The following TSPAN18 variants were observed in gnomAD, a reference collection of about 807,000 sequenced individuals.
TSPAN18 encodes tetraspanin 18.
In TSPAN18, 14 loss-of-function variants were observed where a neutral mutation model predicts 27.3. The ratio of observed to expected loss-of-function variants is 0.51; its 90% CI spans 0.34 to 0.80. TSPAN18 has a LOEUF of 0.80. TSPAN18 is among the 30% of genes least tolerant of loss of function. The pLI, the probability that TSPAN18 is intolerant of heterozygous loss-of-function variation, is 0.01. For missense variants in TSPAN18, 268 were observed against 323.9 expected (o/e 0.83, Z 1.32); for synonymous variants, 143 against 136.5 (o/e 1.05, Z -0.33).
At chr11:44,919,391 A>AATC in intron 7 of TSPAN18, 79 bp downstream of exon 7, 1 of 1,236,826 alleles carries the variant, frequency 8.1e-7, no homozygotes, top group Non-Finnish European at 1.2e-6. Flanking sequence ...AGGCATCAGT[A>AATC]ATCAATCCAG....
intron 3 of TSPAN18, among the ~76,000 whole-genome samples, chr11:44,896,467 AC>A (rs1859054741): frequency 6.6e-6 from 1 of 152,090 alleles, no homozygotes; most frequent in Middle Eastern, 3.4e-3. Context: ...CCAGCACTGT[AC>A]CCCAAGTGCA....
At chr11:44,915,066 C>T (rs561192529) in intron 5 of TSPAN18, among the ~76,000 whole-genome samples, 1 of 152,342 alleles carries the variant, frequency 6.6e-6, no homozygotes, top group Admixed American at 6.5e-5. Flanking sequence ...TGATCTGCTT[C>T]GTCCATTATT....
chr11:44,728,132 CG>C (rs548212498), intron 1 of TSPAN18, among the ~76,000 whole-genome samples: 1,755 of 152,306 alleles, frequency 0.012, 11 homozygotes, highest in Non-Finnish European at 0.02. Context: ...GGTCCCGCCC[CG>C]AGGAGCCCGC....
At chr11:44,908,350 T>A (rs1859533921) in intron 4 of TSPAN18, among the ~76,000 whole-genome samples, 1 of 152,132 alleles carries the variant, frequency 6.6e-6, no homozygotes, top group African/African-American at 2.4e-5. Context: ...ACAAAGGGAT[T>A]TCAAATACTT....
In TSPAN18 at chr11:44,931,510, G is replaced by C. The variant is rs1860561456; in HGVS notation, c.*2332G>C. The C allele has an allele frequency of 6.5e-6, 1 of 152,772 alleles. No individual in the cohort carries two copies. The highest frequency in any genetic ancestry group is 1.5e-5 in the Non-Finnish European group (1 of 68,496). 9.5% of individuals were successfully genotyped at this position (152,772 alleles called of 1,614,324 possible). A position where few individuals can be genotyped will look rare whatever the true frequency, so the allele number is the denominator to read the frequency against. On this transcript the variant is annotated 3_prime_UTR_variant, in exon 10 of 10. Transcript: ENST00000520358. ...AAGGTGGGTTCAAGGGCAGACACAA[G>C]ACTGCCCCTCAGCAGCTTTCTACAA...
In TSPAN18 at chr11:44,932,136, T is replaced by G. The variant is rs1309603257; in HGVS notation, c.*2958T>G. On this transcript the variant is annotated 3_prime_UTR_variant, in exon 10 of 10. Transcript: ENST00000520358. ...CCATGCTTAAGGGGCCCGGACAGGA[T>G]TTCCCAAACCAGCCGAGGCCCCAGC... The G allele has an allele frequency of 2.0e-5, 3 of 152,100 alleles. No individual in the cohort carries two copies. The highest frequency in any genetic ancestry group is 7.2e-5 in the African/African-American group (3 of 41,396). 9.4% of individuals were successfully genotyped at this position (152,100 alleles called of 1,614,324 possible). A position where few individuals can be genotyped will look rare whatever the true frequency, so the allele number is the denominator to read the frequency against.
At chr11:44,914,145 A>T (rs967926241) in intron 5 of TSPAN18, among the ~76,000 whole-genome samples, 1 of 152,230 alleles carries the variant, frequency 6.6e-6, no homozygotes, top group Non-Finnish European at 1.5e-5. Context: ...GCTCAATGGA[A>T]ACTCCATGAA....
chr11:44,742,451 G>C (rs1854967149), intron 1 of TSPAN18, among the ~76,000 whole-genome samples: 1 of 149,502 alleles, frequency 6.7e-6, no homozygotes, highest in East Asian at 2.0e-4. Context: ...CTAGACTTTT[G>C]CCGAAGGTTT....
chr11:44,775,267 G>GT (rs1318140919), intron 2 of TSPAN18, among the ~76,000 whole-genome samples: 1 of 152,200 alleles, frequency 6.6e-6, no homozygotes, highest in Non-Finnish European at 1.5e-5. Context: ...ATTATTTGTT[G>GT]TTTATCTGAA....
intron 2 of TSPAN18, among the ~76,000 whole-genome samples, chr11:44,769,202 T>C (rs983014545): frequency 1.3e-5 from 2 of 152,174 alleles, no homozygotes; most frequent in Admixed American, 1.3e-4. Flanking sequence ...GCCTATTATT[T>C]GATTTGTTAA....
intron 1 of TSPAN18, among the ~76,000 whole-genome samples, chr11:44,745,614 T>C (rs963665920): frequency 6.6e-6 from 1 of 152,244 alleles, no homozygotes; most frequent in Non-Finnish European, 1.5e-5. Flanking sequence ...GTTCATCTTC[T>C]CATCCTGGCT....
At chr11:44,900,088 A>G (rs900763585) in intron 3 of TSPAN18, among the ~76,000 whole-genome samples, 3 of 152,322 alleles carry the variant, frequency 2.0e-5, no homozygotes, top group Admixed American at 6.5e-5. Context: ...GTTAACTTCT[A>G]GAAGTCATCC....
intron 3 of TSPAN18, among the ~76,000 whole-genome samples, chr11:44,878,154 C>A (rs1858389535): frequency 6.6e-6 from 1 of 151,828 alleles, no homozygotes; most frequent in Non-Finnish European, 1.5e-5. Flanking sequence ...CCAGCTCCAC[C>A]CCAGACACCC....
At position 44,929,432 on chromosome 11, in the gene TSPAN18, C is replaced by T. The variant is rs1860488378; in HGVS notation, c.*254C>T. ...TTCTCCAGAGACCCCAGCAACTGGC[C>T]CAGGATGCAGGCTGCTCTAGAGACC... On this transcript the variant is annotated 3_prime_UTR_variant, in exon 10 of 10. Coordinates refer to ENST00000520358, the MANE Select transcript of TSPAN18 (RefSeq NM_130783.5). The T allele has an allele frequency of 3.8e-6, 2 of 531,482 alleles. No homozygotes were observed. Among genetic ancestry groups the T allele is most frequent in the South Asian group, 2.6e-5 (1 of 39,000 alleles). The allele number at this position is 531,482 out of a possible 1,614,324, so 32.9% of individuals were successfully genotyped here. A position where few individuals can be genotyped will look rare whatever the true frequency, so the allele number is the denominator to read the frequency against.
At chr11:44,763,246 C>T (rs951225519) in intron 1 of TSPAN18, among the ~76,000 whole-genome samples, 18 of 152,262 alleles carry the variant, frequency 1.2e-4, no homozygotes, top group African/African-American at 3.9e-4. Flanking sequence ...TGGGGAACTT[C>T]GCTTTCTCCC....
intron 2 of TSPAN18, among the ~76,000 whole-genome samples, chr11:44,777,573 CCTGGGTAGGG>C (rs1226823161): frequency 1.3e-5 from 2 of 152,152 alleles, no homozygotes; most frequent in South Asian, 2.1e-4. Context: ...GTGCAAAGCC[CCTGGGTAGGG>C]CTGGTTTATT....
At chr11:44,901,786 G>GT (rs1329421736) in intron 3 of TSPAN18, among the ~76,000 whole-genome samples, 1 of 152,236 alleles carries the variant, frequency 6.6e-6, no homozygotes, top group Non-Finnish European at 1.5e-5. Flanking sequence ...GGTGAGTGGT[G>GT]TTTTTGAAGC....
rs139720806 is a variant in TSPAN18 at position 44,825,117 on chromosome 11, G to A, written c.-152-35211G>A. Reference sequence around the variant, plus strand: ...CACCACCCCCCACCACCCCGAACTCGGGGAGGAGTTCTGACCTGAGTGCTC... The same window carrying A: ...CACCACCCCCCACCACCCCGAACTCAGGGAGGAGTTCTGACCTGAGTGCTC... On this transcript the variant is annotated intron_variant, in intron 2 of 9. Transcript: ENST00000520358. Among the ~76,000 whole-genome samples the A allele has an allele frequency of 5.1e-3, 743 of 144,432 alleles. 4 individuals carry two copies. Among genetic ancestry groups the A allele is most frequent in the African/African-American group, 0.018 (706 of 39,634 alleles). 94.8% of individuals were successfully genotyped at this position (144,432 alleles called of 152,430 possible). A position where few individuals can be genotyped will look rare whatever the true frequency, so the allele number is the denominator to read the frequency against.
chr11:44,805,105 G>A (rs1225512485), intron 2 of TSPAN18, among the ~76,000 whole-genome samples: 1 of 152,228 alleles, frequency 6.6e-6, no homozygotes, highest in African/African-American at 2.4e-5. Flanking sequence ...AACCATGGGC[G>A]GGAGCAGCCG....
Sources: gnomAD v4.1 joint callset for allele counts (sites outside exome capture counted in the v4.1 genomes callset) on GRCh38, gnomAD v4.1.1 for gene constraint, MANE v1.5 for transcripts, NCBI Gene and HGNC (gene_info 2026-07-23, HGNC 2026-07-21) for gene names.